TAF2: variants seen among roughly 807,000 people sequenced by gnomAD.
TAF2 encodes transcription initiation factor TFIID subunit 2.
A neutral mutation model predicts 138.5 loss-of-function variants in TAF2; 61 were observed. The observed-to-expected ratio is 0.44, with a 90% confidence interval of 0.36 to 0.54. The LOEUF (loss-of-function observed/expected upper bound fraction) is 0.54, where lower values mean the gene tolerates loss of function less well. Ranked by LOEUF, TAF2 falls within the 20% of genes least tolerant of loss-of-function variation. The probability of loss-of-function intolerance (pLI) is 0.00; values close to 1 mark genes in which losing one functional copy is unlikely to be tolerated. For synonymous variants in TAF2, 475 were observed against 469.9 expected, an observed-to-expected ratio of 1.01 and a Z score of -0.14; for missense variants, 1,090 against 1,427.9, an observed-to-expected ratio of 0.76 and a Z score of 3.81.
chr8:119,793,772 C>T (rs1223695791), intron 9 of TAF2, among the ~76,000 whole-genome samples: 1 of 151,562 alleles, frequency 6.6e-6, no homozygotes, highest in Non-Finnish European at 1.5e-5. Context: ...TATTTTGCTT[C>T]AAAAAATTTA....
chr8:119,762,764 G>C (rs1335903950), intron 18 of TAF2, 156 bp from the exon 19 acceptor site: 1 of 613,564 alleles, frequency 1.6e-6, no homozygotes, highest in African/African-American at 1.8e-5. Flanking sequence ...CCCTTTGCAT[G>C]TGGTCACTCT....
At chr8:119,832,369 T>C in intron 1 of TAF2, 113 bp downstream of exon 1, 1 of 942,844 alleles carries the variant, frequency 1.1e-6, no homozygotes, top group Non-Finnish European at 1.7e-6. Flanking sequence ...AGTGAGTAAA[T>C]TCTAGTTTCC....
intron 25 of TAF2, among the ~76,000 whole-genome samples, chr8:119,736,273 C>T (rs747553912): frequency 1.3e-5 from 2 of 152,190 alleles, no homozygotes; most frequent in African/African-American, 2.4e-5. Context: ...TCTTGAGGTA[C>T]ATGAAGTCTA....
chr8:119,733,973 AG>A (rs1819051209), intron 25 of TAF2, among the ~76,000 whole-genome samples: 3 of 152,204 alleles, frequency 2.0e-5, no homozygotes. Context: ...TCAGAACACC[AG>A]GGGTGATTTT....
At chr8:119,746,038 C>A (rs936073258) in intron 23 of TAF2, among the ~76,000 whole-genome samples, 3 of 152,038 alleles carry the variant, frequency 2.0e-5, no homozygotes. Context: ...ACGTGGCTTA[C>A]CATTAACACA....
intron 23 of TAF2, among the ~76,000 whole-genome samples, chr8:119,745,529 T>C (rs1819901163): frequency 6.6e-6 from 1 of 152,134 alleles, no homozygotes; most frequent in Admixed American, 6.5e-5. Flanking sequence ...AAATGAACTA[T>C]TACTAACTAG....
intron 3 of TAF2, among the ~76,000 whole-genome samples, chr8:119,817,760 G>C (rs1275762887): frequency 6.6e-6 from 1 of 152,164 alleles, no homozygotes; most frequent in Non-Finnish European, 1.5e-5. Context: ...AGAGTTCTAG[G>C]CTGGATAGGG....
At chr8:119,784,445 G>C (rs892183368) in intron 15 of TAF2, among the ~76,000 whole-genome samples, 12 of 152,096 alleles carry the variant, frequency 7.9e-5, no homozygotes, top group Non-Finnish European at 1.5e-4. Context: ...CATGCAGTGA[G>C]CCGAGATGGT....
intron 11 of TAF2, among the ~76,000 whole-genome samples, chr8:119,790,507 C>T (rs1477560931): frequency 6.6e-6 from 1 of 151,634 alleles, no homozygotes; most frequent in Non-Finnish European, 1.5e-5. Flanking sequence ...AACTTTACAG[C>T]AAACTTAAAA....
intron 2 of TAF2, among the ~76,000 whole-genome samples, chr8:119,829,031 T>C (rs1826273106): frequency 1.3e-5 from 2 of 152,230 alleles, no homozygotes; most frequent in Non-Finnish European, 1.5e-5. Context: ...TCATAGGACT[T>C]TGTAAGTTCC....
intron 2 of TAF2, among the ~76,000 whole-genome samples, chr8:119,830,293 G>A (rs1457154516): frequency 6.7e-6 from 1 of 150,118 alleles, no homozygotes; most frequent in South Asian, 2.1e-4. Context: ...TGAAGATTAA[G>A]TGAGTTAATA....
chr8:119,793,544 T>C, intron 9 of TAF2, 93 bp from the exon 10 acceptor site: 1 of 885,864 alleles, frequency 1.1e-6, no homozygotes, highest in African/African-American at 1.7e-5. Context: ...AATTCTCATT[T>C]CCTAAAATCA....
rs188842874 is a variant in TAF2, at chr8:119,813,208, G to C, written c.299+6138C>G. Among the ~76,000 whole-genome samples the C allele has an allele frequency of 1.7e-3, 261 of 152,242 alleles. 1 individual carries two copies. The highest frequency in any genetic ancestry group is 2.0e-3 in the Non-Finnish European group (135 of 68,008). On this transcript the variant is annotated intron_variant, in intron 3 of 25. Transcript: ENST00000378164. ...TTTCCCTGATCATTAGTGATGTTGA[G>C]AATTTCTTTATATGTGTTGACTATT...
At chr8:119,806,207 G>A (rs1352163299) in intron 4 of TAF2, 76 bp downstream of exon 4, 4 of 1,242,014 alleles carry the variant, frequency 3.2e-6, no homozygotes, top group African/African-American at 1.5e-5. Context: ...TGCATCATTA[G>A]TTCTCATGTA....
intron 11 of TAF2, 62 bp downstream of exon 11, chr8:119,791,262 C>T (rs1168318116): frequency 6.3e-7 from 1 of 1,583,562 alleles, no homozygotes; most frequent in Non-Finnish European, 8.6e-7. Flanking sequence ...CAGAAACATA[C>T]TCAGATTATA....
chr8:119,732,619 C>T (rs903043780), intron 25 of TAF2, among the ~76,000 whole-genome samples: 10 of 152,144 alleles, frequency 6.6e-5, no homozygotes, highest in South Asian at 2.1e-4. Flanking sequence ...GCCTGGCCAA[C>T]GTGGTCAAAC....
intron 2 of TAF2, among the ~76,000 whole-genome samples, chr8:119,830,542 G>A (rs192276615): frequency 6.6e-6 from 1 of 152,130 alleles, no homozygotes; most frequent in African/African-American, 2.4e-5. Flanking sequence ...TAAGATATAA[G>A]GTACATAACC....
chr8:119,770,504 T>C (rs980762451), intron 18 of TAF2, among the ~76,000 whole-genome samples: 1 of 152,170 alleles, frequency 6.6e-6, no homozygotes, highest in South Asian at 2.1e-4. Flanking sequence ...CCAAGCTTCA[T>C]AAATGAAGGA....
chr8:119,826,974 G>A (rs1482914093), intron 2 of TAF2, among the ~76,000 whole-genome samples: 3 of 152,052 alleles, frequency 2.0e-5, no homozygotes, highest in Admixed American at 6.6e-5. Context: ...AGGGTGGATC[G>A]CTTGAGCCCA....
Sources: allele counts gnomAD v4.1 joint callset (sites outside exome capture counted in the v4.1 genomes callset), GRCh38; gene constraint gnomAD v4.1.1; transcripts MANE v1.5; gene names NCBI Gene and HGNC (gene_info 2026-07-23, HGNC 2026-07-21).